Variants in SLC15A3 observed in about 807,000 individuals in gnomAD.
SLC15A3 encodes osteoclast transporter.
A neutral mutation model predicts 49.2 loss-of-function variants in SLC15A3; 39 were observed. That is an observed-to-expected ratio of 0.79 (90% CI 0.61 to 1.04). The LOEUF (loss-of-function observed/expected upper bound fraction) is 1.04. Among genes scored for constraint, SLC15A3 ranks in the 50% least tolerant of loss-of-function variants. SLC15A3 has a pLI of 0.00. For synonymous variants in SLC15A3, 339 were observed against 367.0 expected, an observed-to-expected ratio of 0.92 and a Z score of 0.87; for missense variants, 758 against 794.8, an observed-to-expected ratio of 0.95 and a Z score of 0.56.
rs188010920 is a variant in SLC15A3, at chr11:60,942,036, G to A, written c.1106C>T (p.Thr369Met). 340 of 1,613,636 alleles carry A rather than the reference G, an allele frequency of 2.1e-4. 3 individuals carry two copies. The East Asian group carries it at 6.3e-3, about 30-fold the overall frequency. The part of the protein sequence containing the change: ...VALRAQGSSY[T>M]IPEAWLLLAN... ...CCGAACACATGCTTTATCTCTCACC[G>A]TGTAGCTGCTGCCCTGGGCTCTCAG... The change falls in exon 4 of 8, where the codon ACG becomes ATG. Residue 369 changes from threonine to methionine, a missense_variant and splice_region_variant. Physicochemically the swap from Thr to Met is moderately conservative, Grantham distance 81 (BLOSUM62 -1). Around this residue, in one of 3 missense-constraint regions of SLC15A3, gnomAD observed 699 missense variants for 706.7 expected, o/e 0.99. Transcript: ENST00000227880.
chr11:60,938,013 G>T lies in SLC15A3; in HGVS notation c.1448C>A (p.Ala483Asp). 6.2e-7 allele frequency: 1 copy of T among 1,613,746 alleles called. No individual in the cohort carries two copies. The highest frequency in any genetic ancestry group is 8.5e-7 in the Non-Finnish European group (1 of 1,179,872). The change falls in exon 7 of 8, where the codon GCC becomes GAC. Residue 483 changes from alanine to aspartate, a missense_variant. Ala to Asp is a moderately radical substitution (Grantham distance 126, BLOSUM62 -2). Around this residue, in one of 3 missense-constraint regions of SLC15A3, gnomAD observed 699 missense variants for 706.7 expected, o/e 0.99. Coordinates refer to ENST00000227880, the MANE Select transcript of SLC15A3 (RefSeq NM_016582.3). Reference sequence around the variant, plus strand: ...CATGGAGCGCGGGGCCTCTGAGTAGGCAAACTCCAGGCCTGCAGAGGGGGA... The same window carrying T: ...CATGGAGCGCGGGGCCTCTGAGTAGTCAAACTCCAGGCCTGCAGAGGGGGA... ...IFASIPGLEF[A>D]YSEAPRSMQG...
In SLC15A3 at chr11:60,937,274, T is replaced by G. The variant is rs1450844342; in HGVS notation, c.1691A>C (p.Glu564Ala). Residue 564 changes from glutamate to alanine, a missense_variant, in exon 8 of 8, where the codon GAG (glutamate) becomes GCG (alanine). Around this residue, in one of 3 missense-constraint regions of SLC15A3, gnomAD observed 699 missense variants for 706.7 expected, o/e 0.99. Coordinates refer to ENST00000227880, the MANE Select transcript of SLC15A3 (RefSeq NM_016582.3). ...GGAGGCTGGGCCCTGGGACGCCCTC[T>G]CATAGCGTCCAGCGATCCAGACAAA... ...LLFVWIAGRY[E>A]RASQGPASHS... 6.2e-7 allele frequency: 1 copy of G among 1,614,110 alleles called. No individual in the cohort carries two copies. The highest frequency in any genetic ancestry group is 8.5e-7 in the Non-Finnish European group (1 of 1,180,022).
intron 1 of SLC15A3, among the ~76,000 whole-genome samples, chr11:60,950,708 T>C (rs112920087): frequency 0.026 from 3,960 of 152,324 alleles, 169 homozygotes; most frequent in African/African-American, 0.089. Context: ...GGATAATCGC[T>C]TGAACCCGGG....
At chr11:60,938,736 G>C (rs1856664131) in intron 6 of SLC15A3, among the ~76,000 whole-genome samples, 1 of 152,138 alleles carries the variant, frequency 6.6e-6, no homozygotes, top group African/African-American at 2.4e-5. Context: ...CCCTCTGCCT[G>C]TAAGACCGCT....
intron 1 of SLC15A3, chr11:60,947,931 A>T (rs182218420): frequency 9.2e-5 from 14 of 152,306 alleles, no homozygotes; most frequent in African/African-American, 3.4e-4. Flanking sequence ...GCATTTAAAA[A>T]AAAAGCAGTG....
intron 7 of SLC15A3, 128 bp from the exon 8 acceptor site, chr11:60,937,501 T>C: frequency 8.3e-7 from 1 of 1,198,848 alleles, no homozygotes; most frequent in Non-Finnish European, 1.2e-6. Flanking sequence ...CTGAAGACAC[T>C]GGACAGATAC....
At chr11:60,946,175 G>A (rs1275451057) in intron 2 of SLC15A3, among the ~76,000 whole-genome samples, 2 of 151,810 alleles carry the variant, frequency 1.3e-5, no homozygotes, top group Non-Finnish European at 2.9e-5. Flanking sequence ...GTATTTTTTT[G>A]TAGAGATGAG....
chr11:60,949,338 A>G (rs1306701941), intron 1 of SLC15A3, among the ~76,000 whole-genome samples: 1 of 149,140 alleles, frequency 6.7e-6, no homozygotes, highest in Non-Finnish European at 1.5e-5. Flanking sequence ...CTCCGTCAAA[A>G]GAAAGGAAGA....
chr11:60,946,474 G>T, intron 2 of SLC15A3, 58 bp downstream of exon 2: 1 of 1,503,612 alleles, frequency 6.7e-7, no homozygotes, highest in Non-Finnish European at 8.9e-7. Context: ...GCCTCCCCGG[G>T]AGCGATCCAG....
intron 1 of SLC15A3, among the ~76,000 whole-genome samples, chr11:60,949,329 T>C (rs1856851879): frequency 7.4e-6 from 1 of 135,542 alleles, no homozygotes; most frequent in African/African-American, 2.8e-5. Context: ...AGAGCGAGAC[T>C]CCGTCAAAAG....
intron 6 of SLC15A3, among the ~76,000 whole-genome samples, chr11:60,938,466 C>T (rs887477368): frequency 1.3e-4 from 20 of 152,136 alleles, no homozygotes; most frequent in African/African-American, 4.6e-4. Flanking sequence ...GCCCTGGTCA[C>T]TTTCTGCAAA....
chr11:60,946,932 T>G (rs1031323870), intron 1 of SLC15A3, 111 bp from the exon 2 acceptor site: 15 of 1,127,790 alleles, frequency 1.3e-5, no homozygotes. Context: ...GTGGTGGGCG[T>G]TCCGACACTT....
rs772256133 is a variant in SLC15A3, at chr11:60,938,036, G to A, written c.1436-11C>T. On this transcript the variant is annotated splice_polypyrimidine_tract_variant and intron_variant, in intron 6 of 7. Transcript: ENST00000227880. ...AGGCAAACTCCAGGCCTGCAGAGGG[G>A]GAGCAGAGACGATCTCAGGGGCTGG... is the stretch of plus-strand genomic sequence containing the variant. 1 of 1,612,946 alleles carries A rather than the reference G, an allele frequency of 6.2e-7. No homozygotes were observed.
chr11:60,942,083 G>C lies in SLC15A3; in HGVS notation c.1059C>G (p.Asn353Lys), dbSNP rs200292846. The C allele has an allele frequency of 8.7e-5, 140 of 1,614,026 alleles. 1 individual carries two copies. Among genetic ancestry groups the C allele is most frequent in the South Asian group, 4.4e-5 (4 of 91,086 alleles). ...HLHIPNIFPA[N>K]PANISVALRA... ...TCAGGGCCACAGAGATGTTGGCCGGGTTGGCTGGGAAAATGTTTGGGATGT... is the reference window on the plus strand; with the variant it reads ...TCAGGGCCACAGAGATGTTGGCCGGCTTGGCTGGGAAAATGTTTGGGATGT... The change falls in exon 4 of 8, where the codon AAC (asparagine) becomes AAG (lysine). Residue 353 changes from asparagine to lysine, a missense_variant. Asn to Lys is a moderately conservative substitution (Grantham distance 94). Around this residue, in one of 3 missense-constraint regions of SLC15A3, gnomAD observed 699 missense variants for 706.7 expected, o/e 0.99. Transcript: ENST00000227880.
In SLC15A3 at chr11:60,946,781, T is replaced by C. The variant is rs2134936469; in HGVS notation, c.599A>G (p.Asn200Ser). 2 of 1,613,812 alleles carry C rather than the reference T, an allele frequency of 1.2e-6. No homozygotes were observed. Among genetic ancestry groups the C allele is most frequent in the East Asian group, 2.2e-5 (1 of 44,880 alleles). The change falls in exon 2 of 8, where the codon AAC (asparagine) becomes AGC (serine). Residue 200 changes from asparagine (N) to serine (S), a missense_variant. Asn to Ser is a conservative substitution (Grantham distance 46). This residue lies in a region of SLC15A3 where 699 missense variants were observed against 706.7 expected (regional missense o/e 0.99). Coordinates refer to ENST00000227880, the MANE Select transcript of SLC15A3 (RefSeq NM_016582.3). ...LGRDATRRFF[N>S]WFYWSINLGA... ...CAGGTTGATGCTCCAGTAAAACCAG[T>C]TGAAGAAGCGGCGGGTGGCGTCGCG...
chr11:60,946,332 T>C (rs1856799962), intron 2 of SLC15A3, among the ~76,000 whole-genome samples, 200 bp downstream of exon 2: 1 of 141,194 alleles, frequency 7.1e-6, no homozygotes, highest in Admixed American at 7.3e-5. Flanking sequence ...CAACCAATAA[T>C]ACCACCACCA....
chr11:60,942,245 C>A, intron 3 of SLC15A3, 100 bp from the exon 4 acceptor site: 2 of 917,262 alleles, frequency 2.2e-6, no homozygotes, highest in East Asian at 2.5e-5. Context: ...GACAGCTGGG[C>A]AGCTGTCCCC....
Position 60,937,116 on chromosome 11 carries a change from G to T in SLC15A3, c.*103C>A. On this transcript the variant is annotated 3_prime_UTR_variant, in exon 8 of 8. Coordinates refer to ENST00000227880, the MANE Select transcript of SLC15A3 (RefSeq NM_016582.3). ...GAAGGGCTCATGCCCCTTATTTATG[G>T]GAACCATTTCATTCTAACAGAATAA... 6.7e-7 allele frequency: 1 copy of T among 1,493,950 alleles called. No individual in the cohort carries two copies. Among genetic ancestry groups the T allele is most frequent in the East Asian group, 2.3e-5 (1 of 43,670 alleles). The allele number at this position is 1,493,950 out of a possible 1,614,324, so 92.5% of individuals were successfully genotyped here.
chr11:60,949,407 GAAGAAAGA>G (rs199751222), intron 1 of SLC15A3, among the ~76,000 whole-genome samples: 3 of 90,978 alleles, frequency 3.3e-5, no homozygotes, highest in African/African-American at 9.5e-5. Context: ...AGAAAGAAAG[GAAGAAAGA>G]AAGAAAGAAG....
Sources: gnomAD v4.1 joint callset for allele counts (sites outside exome capture counted in the v4.1 genomes callset) on GRCh38, gnomAD v4.1.1 for gene constraint, gnomAD v4.1.1 regional missense constraint, MANE v1.5 for transcripts, NCBI Gene and HGNC (gene_info 2026-07-23, HGNC 2026-07-21) for gene names.